Variants in MGAT5 observed in about 807,000 individuals in gnomAD.
The protein encoded by MGAT5 is alpha-1,6-mannosylglycoprotein 6-beta-N-acetylglucosaminyltransferase A.
In MGAT5, 30 loss-of-function variants were observed where a neutral mutation model predicts 94.3. That is an observed-to-expected ratio of 0.32 (90% confidence interval 0.24 to 0.43). The LOEUF (loss-of-function observed/expected upper bound fraction) is 0.43, where lower values mean the gene tolerates loss of function less well. Among genes scored for constraint, MGAT5 ranks in the 20% least tolerant of loss-of-function variants. The probability of loss-of-function intolerance (pLI) is 1.00; values close to 1 mark genes in which losing one functional copy is unlikely to be tolerated. For synonymous variants in MGAT5, 310 were observed against 322.9 expected (o/e 0.96, Z 0.43); for missense variants, 691 against 905.5 (o/e 0.76, Z 3.04).
intron 15 of MGAT5, among the ~76,000 whole-genome samples, chr2:134,444,699 C>T (rs1685674506): frequency 6.6e-6 from 1 of 152,228 alleles, no homozygotes; most frequent in South Asian, 2.1e-4. Flanking sequence ...TTTGGGTATC[C>T]ATAGCGTTTA....
intron 12 of MGAT5, among the ~76,000 whole-genome samples, chr2:134,417,830 T>A (rs988991174): frequency 2.6e-5 from 4 of 152,156 alleles, no homozygotes; most frequent in Non-Finnish European, 4.4e-5. Flanking sequence ...AATACAGTAT[T>A]TATTGTATCA....
At chr2:134,218,503 GCTTT>G (rs1162308244) in intron 1 of MGAT5, among the ~76,000 whole-genome samples, 1 of 152,176 alleles carries the variant, frequency 6.6e-6, no homozygotes, top group Non-Finnish European at 1.5e-5. Flanking sequence ...TCTCAGCTGG[GCTTT>G]CTTATGTATT....
chr2:134,131,616 T>C (rs1686175700), intron 1 of MGAT5, among the ~76,000 whole-genome samples: 1 of 144,274 alleles, frequency 6.9e-6, no homozygotes, highest in Non-Finnish European at 1.5e-5. Context: ...TTGGCCTCTG[T>C]TAATGGCCTC....
At chr2:134,270,579 T>G (rs1443362857) in intron 2 of MGAT5, 29 bp downstream of exon 2, 3 of 1,611,376 alleles carry the variant, frequency 1.9e-6, no homozygotes, top group Non-Finnish European at 1.7e-6. Context: ...TGCCCTGATA[T>G]GGAGTCACAC....
At chr2:134,218,325 A>G (rs1004129621) in intron 1 of MGAT5, among the ~76,000 whole-genome samples, 1 of 149,420 alleles carries the variant, frequency 6.7e-6, no homozygotes, top group Non-Finnish European at 1.5e-5. Context: ...CATTAATTCA[A>G]CGTATCAGTT....
chr2:134,166,249 G>A (rs936455436), intron 1 of MGAT5, among the ~76,000 whole-genome samples: 2 of 152,350 alleles, frequency 1.3e-5, no homozygotes, highest in African/African-American at 2.4e-5. Context: ...TACACAGAGG[G>A]ACCCTTGGAA....
intron 1 of MGAT5, among the ~76,000 whole-genome samples, chr2:134,200,157 A>G (rs1049403748): frequency 6.1e-4 from 3 of 4,948 alleles, no homozygotes; most frequent in Non-Finnish European, 1.3e-3. Context: ...CAATCCCCCC[A>G]TTCCCCCCCT....
chr2:134,241,931 A>G (rs1334999869), intron 1 of MGAT5, among the ~76,000 whole-genome samples: 1 of 152,254 alleles, frequency 6.6e-6, no homozygotes, highest in African/African-American at 2.4e-5. Flanking sequence ...GGGGCTATGA[A>G]GTCACTGAAG....
At position 134,452,400 on chromosome 2, in the gene MGAT5, T is replaced by C. The variant is rs753984941; in HGVS notation, c.*3553T>C. 3 of 152,206 alleles carry C rather than the reference T, an allele frequency of 2.0e-5. No homozygotes were observed. The highest frequency in any genetic ancestry group is 2.1e-4 in the South Asian group (1 of 4,828). 9.4% of individuals were successfully genotyped at this position (152,206 alleles called of 1,614,324 possible). ...GGCCCTGCTTGGAGAAGAAATACTT[T>C]AGCATCATGAAAGGGAAAGAACGTG... On this transcript the variant is annotated 3_prime_UTR_variant, in exon 16 of 16. Coordinates refer to ENST00000281923, the MANE Select transcript of MGAT5 (RefSeq NM_002410.5).
intron 10 of MGAT5, among the ~76,000 whole-genome samples, chr2:134,366,809 G>T (rs1179533049): frequency 6.6e-6 from 1 of 152,186 alleles, no homozygotes; most frequent in Non-Finnish European, 1.5e-5. Context: ...ACAATGTGTG[G>T]TACAAAGTAG....
intron 2 of MGAT5, among the ~76,000 whole-genome samples, chr2:134,282,092 C>T (rs1558757976): frequency 1.3e-5 from 2 of 152,190 alleles, no homozygotes; most frequent in South Asian, 2.1e-4. Context: ...TTTCTCCTTT[C>T]GCTTCTGGCC....
chr2:134,283,223 C>G (rs768442961), intron 2 of MGAT5, among the ~76,000 whole-genome samples: 2 of 152,128 alleles, frequency 1.3e-5, no homozygotes, highest in African/African-American at 4.8e-5. Flanking sequence ...GAGGTTAAGT[C>G]TCAGTTCTCT....
intron 2 of MGAT5, among the ~76,000 whole-genome samples, chr2:134,297,744 G>T (rs1047235130): frequency 1.4e-4 from 21 of 151,978 alleles, no homozygotes; most frequent in African/African-American, 4.6e-4. Flanking sequence ...TACTAGAAAA[G>T]AACTGTTTAA....
At chr2:134,401,918 C>G (rs73960903) in intron 10 of MGAT5, among the ~76,000 whole-genome samples, 16,362 of 152,190 alleles carry the variant, frequency 0.11, 1,027 homozygotes, top group South Asian at 0.26. Flanking sequence ...TGGCAGAGAC[C>G]AGATCATGAA....
At chr2:134,444,235 CG>C (rs1331587497) in intron 15 of MGAT5, among the ~76,000 whole-genome samples, 1 of 152,172 alleles carries the variant, frequency 6.6e-6, no homozygotes, top group Non-Finnish European at 1.5e-5. Flanking sequence ...TGAGCCAAGA[CG>C]GATAAGCCAG....
chr2:134,230,236 G>A (rs1681292253), intron 1 of MGAT5, among the ~76,000 whole-genome samples: 1 of 152,178 alleles, frequency 6.6e-6, no homozygotes, highest in Non-Finnish European at 1.5e-5. Context: ...CAGGGTTTGT[G>A]CTCCTATGAG....
chr2:134,428,227 G>A (rs1311516522), intron 13 of MGAT5, 138 bp from the exon 14 acceptor site: 9 of 665,780 alleles, frequency 1.4e-5, no homozygotes, highest in South Asian at 7.8e-5. Flanking sequence ...TTGAGATCAC[G>A]ACTTGCAAGT....
Position 134,322,886 on chromosome 2 carries a change from A to C in MGAT5, c.573+4147A>C, listed in dbSNP as rs919450494. 5.3e-5 allele frequency among the ~76,000 whole-genome samples: 8 copies of C among 152,250 alleles called. No individual in the cohort carries two copies. The East Asian group carries it at 1.5e-3, about 29-fold the overall frequency. On this transcript the variant is annotated intron_variant, in intron 4 of 15. Coordinates refer to ENST00000281923, the MANE Select transcript of MGAT5 (RefSeq NM_002410.5). ...CACATGCACCAGTGACTTTTATTCT[A>C]TTCCTAATCCTTATTGAAAGAGCCA...
intron 1 of MGAT5, among the ~76,000 whole-genome samples, chr2:134,158,468 G>A (rs1177024714): frequency 1.3e-5 from 2 of 152,222 alleles, no homozygotes; most frequent in Non-Finnish European, 2.9e-5. Context: ...ACTTGGCCTC[G>A]ACTTTGCTCT....
Sources: gnomAD v4.1 joint callset for allele counts (sites outside exome capture counted in the v4.1 genomes callset) on GRCh38, gnomAD v4.1.1 for gene constraint, MANE v1.5 for transcripts, NCBI Gene and HGNC (gene_info 2026-07-23, HGNC 2026-07-21) for gene names.